TSEN2: variants seen among roughly 807,000 people sequenced by gnomAD.
The protein encoded by TSEN2 is tRNA splicing endonuclease subunit 2.
Under a neutral mutation model 59.2 loss-of-function variants are expected in TSEN2, and 54 were observed. The observed-to-expected ratio is 0.91, with a 90% CI of 0.73 to 1.14. The LOEUF (loss-of-function observed/expected upper bound fraction) is 1.14, where lower values mean the gene tolerates loss of function less well. TSEN2 is among the 50% of genes most tolerant of loss of function. The pLI is 0.00. For missense variants in TSEN2, 636 were observed against 576.2 expected, an observed-to-expected ratio of 1.10 and a Z score of -1.06; for synonymous variants, 195 against 198.2, an observed-to-expected ratio of 0.98 and a Z score of 0.14.
chr3:12,502,692 T>G (rs1380844693), intron 4 of TSEN2, among the ~76,000 whole-genome samples: 1 of 150,926 alleles, frequency 6.6e-6, no homozygotes, highest in East Asian at 1.9e-4. Flanking sequence ...TTTTTTTGTT[T>G]TTTTTTTTTC....
At chr3:12,522,365 G>A (rs2056716890) in intron 8 of TSEN2, among the ~76,000 whole-genome samples, 1 of 152,138 alleles carries the variant, frequency 6.6e-6, no homozygotes, top group Non-Finnish European at 1.5e-5. Flanking sequence ...AGAAACAGAT[G>A]TACAATTAAT....
In TSEN2 at chr3:12,519,042, T is replaced by C. The variant is rs1384856408; in HGVS notation, c.961-17T>C. The C allele has an allele frequency of 1.9e-6, 3 of 1,614,158 alleles. No homozygotes were observed. The South Asian group carries it at 3.3e-5, about 18-fold the overall frequency. On this transcript the variant is annotated splice_polypyrimidine_tract_variant and intron_variant, in intron 7 of 11. Transcript: ENST00000284995. ...CATACATAGTAATGCTTTTTGTTTT[T>C]TTGTAAATAACTTTAGGAGCCTTTA...
In TSEN2 at chr3:12,533,122, A is replaced by T. The variant is rs147356564; in HGVS notation, c.*401A>T. 3.6e-6 allele frequency: 1 copy of T among 278,018 alleles called. No individual in the cohort carries two copies. Among genetic ancestry groups the T allele is most frequent in the East Asian group, 8.5e-5 (1 of 11,726 alleles). 17.2% of individuals were successfully genotyped at this position (278,018 alleles called of 1,614,324 possible). ...CAGTTTATGAAGCACTTTCATACGC[A>T]GGCATCTCTTGTTACCTACATCTAA... On this transcript the variant is annotated 3_prime_UTR_variant, in exon 12 of 12. Transcript: ENST00000284995.
At chr3:12,491,840 G>A (rs893118654) in intron 2 of TSEN2, among the ~76,000 whole-genome samples, 2 of 152,158 alleles carry the variant, frequency 1.3e-5, no homozygotes, top group Non-Finnish European at 1.5e-5. Flanking sequence ...TGTACCAAAC[G>A]GGGACTTTAT....
chr3:12,499,892 G>A (rs962660846), intron 4 of TSEN2, among the ~76,000 whole-genome samples: 3 of 152,184 alleles, frequency 2.0e-5, no homozygotes, highest in Non-Finnish European at 2.9e-5. Flanking sequence ...CAGAACCTAT[G>A]TGCGCTAACC....
chr3:12,520,414 T>C (rs890225543), intron 8 of TSEN2, among the ~76,000 whole-genome samples: 1 of 152,222 alleles, frequency 6.6e-6, no homozygotes, highest in African/African-American at 2.4e-5. Flanking sequence ...AAGCCCACGC[T>C]TTTAGAAATG....
At chr3:12,524,739 CTTTTTTTT>C (rs746602626) in intron 8 of TSEN2, among the ~76,000 whole-genome samples, 5 of 131,788 alleles carry the variant, frequency 3.8e-5, no homozygotes, top group Non-Finnish European at 6.3e-5. Context: ...TCTTTGGTCT[CTTTTTTTT>C]TTTTTTTTTT....
At chr3:12,491,760 TATC>T (rs919605160) in intron 2 of TSEN2, among the ~76,000 whole-genome samples, 2 of 152,230 alleles carry the variant, frequency 1.3e-5, no homozygotes, top group Non-Finnish European at 2.9e-5. Flanking sequence ...CGGCCCTCCA[TATC>T]ATGGGTTCCA....
At chr3:12,484,194 C>G (rs2052344704), upstream of TSEN2, among the ~76,000 whole-genome samples, 1 of 152,258 alleles carries the variant, frequency 6.6e-6, no homozygotes, top group Non-Finnish European at 1.5e-5. Flanking sequence ...AGGTCTCTCC[C>G]ACCTCCCACG....
intron 11 of TSEN2, 56 bp downstream of exon 11, chr3:12,531,715 A>G: frequency 8.5e-7 from 1 of 1,181,862 alleles, no homozygotes; most frequent in East Asian, 2.3e-5. Context: ...ATCATAGTGT[A>G]TCTGGAACAT....
chr3:12,530,685 G>A lies in TSEN2; in HGVS notation c.1248+812G>A, dbSNP rs75482042. The stretch of plus-strand genomic sequence containing the variant: ...GTTAGGTTGCCTAGGCTTTAGCTTG[G>A]TCCTATAGAAAATTAGGGAGCCTAT... On this transcript the variant is annotated intron_variant, in intron 10 of 11. Coordinates refer to ENST00000284995, the MANE Select transcript of TSEN2 (RefSeq NM_025265.4). The A allele has an allele frequency of 7.1e-6, 7 of 985,156 alleles. No individual in the cohort carries two copies. In the Admixed American group the frequency reaches 4.3e-4, roughly 61 times the overall value. The allele number at this position is 985,156 out of a possible 1,614,324, so 61.0% of individuals were successfully genotyped here. A position where few individuals can be genotyped will look rare whatever the true frequency, so the allele number is the denominator to read the frequency against.
Position 12,495,086 on chromosome 3 carries a change from A to G in TSEN2, c.272-1432A>G, listed in dbSNP as rs1398122006. ...GGTTGCAGTGAGCCAAAATCGCGCCACTGCATTTCAGCCTGGGTGACATAA... is the reference window on the plus strand; with the variant it reads ...GGTTGCAGTGAGCCAAAATCGCGCCGCTGCATTTCAGCCTGGGTGACATAA... On this transcript the variant is annotated intron_variant, in intron 3 of 11. Transcript: ENST00000284995. Among the ~76,000 whole-genome samples the G allele has an allele frequency of 3.6e-5, 5 of 140,370 alleles. No individual in the cohort carries two copies. In the East Asian group the frequency reaches 8.4e-4, roughly 23 times the overall value. 92.1% of individuals were successfully genotyped at this position (140,370 alleles called of 152,430 possible). A position where few individuals can be genotyped will look rare whatever the true frequency, so the allele number is the denominator to read the frequency against.
chr3:12,523,923 C>T (rs779821713), intron 8 of TSEN2, among the ~76,000 whole-genome samples: 6 of 152,106 alleles, frequency 3.9e-5, no homozygotes, highest in Non-Finnish European at 7.4e-5. Context: ...TTCACGTTTA[C>T]GTACATAATC....
chr3:12,480,415 C>T (rs1011800414), upstream of TSEN2, among the ~76,000 whole-genome samples: 1 of 152,182 alleles, frequency 6.6e-6, no homozygotes, highest in African/African-American at 2.4e-5. Flanking sequence ...GGAAGCCTCC[C>T]AGGCTCTTAA....
chr3:12,496,481 A>G (rs1167197273), intron 3 of TSEN2, 37 bp from the exon 4 acceptor site: 2 of 1,611,418 alleles, frequency 1.2e-6, no homozygotes, highest in Non-Finnish European at 1.7e-6. Context: ...CCCTTATGGG[A>G]AATTTGCCTG....
intron 1 of TSEN2, among the ~76,000 whole-genome samples, chr3:12,489,574 G>A (rs970371643): frequency 3.3e-5 from 5 of 152,172 alleles, no homozygotes; most frequent in Non-Finnish European, 7.4e-5. Context: ...GGGGTTTATT[G>A]TGGGGATTAA....
chr3:12,491,759 A>G (rs143102811), intron 2 of TSEN2, among the ~76,000 whole-genome samples: 3 of 152,352 alleles, frequency 2.0e-5, no homozygotes, highest in East Asian at 1.9e-4. Context: ...TCGGCCCTCC[A>G]TATCATGGGT....
intron 3 of TSEN2, among the ~76,000 whole-genome samples, chr3:12,495,060 A>C (rs2053607231): frequency 7.9e-6 from 1 of 126,512 alleles, no homozygotes; most frequent in Admixed American, 9.6e-5. Context: ...CTGGAGGCGG[A>C]GGTTGCAGTG....
At chr3:12,501,466 CAT>C (rs1279565443) in intron 4 of TSEN2, among the ~76,000 whole-genome samples, 1 of 152,192 alleles carries the variant, frequency 6.6e-6, no homozygotes, top group Non-Finnish European at 1.5e-5. Flanking sequence ...TGTTCATCCT[CAT>C]GTGGGGTGAA....
Sources: allele counts gnomAD v4.1 joint callset (sites outside exome capture counted in the v4.1 genomes callset), GRCh38; gene constraint gnomAD v4.1.1; transcripts MANE v1.5; gene names NCBI Gene and HGNC (gene_info 2026-07-23, HGNC 2026-07-21).